The following CHST12 variants were observed in gnomAD, a reference collection of about 807,000 sequenced individuals.
The protein encoded by CHST12 is carbohydrate (chondroitin 4) sulfotransferase 12.
CHST12 carries 23 observed loss-of-function variants against 27.9 expected under a neutral mutation model. That is an observed-to-expected ratio of 0.82 (90% confidence interval 0.59 to 1.17). The LOEUF (loss-of-function observed/expected upper bound fraction) is 1.17. CHST12 is among the 50% of genes most tolerant of loss of function. The pLI is 0.00. For missense variants in CHST12, 682 were observed against 603.0 expected, an observed-to-expected ratio of 1.13 and a Z score of -1.37; for synonymous variants, 322 against 273.0, an observed-to-expected ratio of 1.18 and a Z score of -1.77.
intron 1 of CHST12, among the ~76,000 whole-genome samples, chr7:2,428,529 A>G (rs1782193765): frequency 6.6e-6 from 1 of 152,184 alleles, no homozygotes; most frequent in Admixed American, 6.5e-5. Flanking sequence ...TGGTCCTGCG[A>G]TGCCGCCAAT....
At position 2,403,691 on chromosome 7, in the gene CHST12, C is replaced by G. The variant is rs1022794761; in HGVS notation, c.-78+18C>G. The G allele has an allele frequency of 6.7e-6, 1 of 148,338 alleles. No homozygotes were observed. The highest frequency in any genetic ancestry group is 1.5e-5 in the Non-Finnish European group (1 of 66,680). The allele number at this position is 148,338 out of a possible 1,614,324, so 9.2% of individuals were successfully genotyped here. A position where few individuals can be genotyped will look rare whatever the true frequency, so the allele number is the denominator to read the frequency against. Reference sequence around the variant, plus strand: ...GTCGCGAGGTGAGGGGCGCGGCGGGCGGCGGGCTCGGGGCGCGGTCTCCCT... The same window carrying G: ...GTCGCGAGGTGAGGGGCGCGGCGGGGGGCGGGCTCGGGGCGCGGTCTCCCT... On this transcript the variant is annotated intron_variant, in intron 1 of 1. Coordinates refer to ENST00000618655, the MANE Select transcript of CHST12 (RefSeq NM_018641.5).
At chr7:2,425,531 C>T (rs1423636729) in intron 1 of CHST12, among the ~76,000 whole-genome samples, 3 of 152,186 alleles carry the variant, frequency 2.0e-5, no homozygotes, top group Non-Finnish European at 4.4e-5. Context: ...TCTGGGGATC[C>T]ATGCCCTGTG....
At chr7:2,414,444 C>T (rs771441226) in intron 1 of CHST12, among the ~76,000 whole-genome samples, 4 of 151,876 alleles carry the variant, frequency 2.6e-5, no homozygotes, top group East Asian at 1.9e-4. Context: ...CCCCCATGCC[C>T]GGCTAATTTT....
chr7:2,437,134 T>TTAACCA lies in CHST12; in HGVS notation c.*3254_*3259dup, dbSNP rs1782492615. On this transcript the variant is annotated 3_prime_UTR_variant, in exon 2 of 2. Transcript: ENST00000618655. ...AATTGGCATCGTACAACTGGAAAAT[T>TTAACCA]TAACCATAAACTTAAAACTCTTTTA... 2.0e-5 allele frequency: 3 copies of TTAACCA among 152,376 alleles called. No homozygotes were observed. In the South Asian group the frequency reaches 6.2e-4, roughly 32 times the overall value. 9.4% of individuals were successfully genotyped at this position (152,376 alleles called of 1,614,324 possible).
At chr7:2,418,899 C>T (rs773158422) in intron 1 of CHST12, among the ~76,000 whole-genome samples, 1 of 152,164 alleles carries the variant, frequency 6.6e-6, no homozygotes, top group South Asian at 2.1e-4. Flanking sequence ...TGGGTTCAAG[C>T]CATTTTCCCA....
intron 1 of CHST12, among the ~76,000 whole-genome samples, chr7:2,415,114 C>T (rs1176042135): frequency 9.2e-5 from 14 of 152,194 alleles, no homozygotes; most frequent in Admixed American, 9.2e-4. Context: ...GCCTCAGTCC[C>T]TGCACTTTGG....
At chr7:2,406,564 G>A (rs1383980388) in intron 1 of CHST12, among the ~76,000 whole-genome samples, 3 of 151,940 alleles carry the variant, frequency 2.0e-5, no homozygotes, top group Admixed American at 6.6e-5. Context: ...ACAGGAGGAG[G>A]AAGCGAACAG....
At chr7:2,416,365 A>G (rs926047586) in intron 1 of CHST12, among the ~76,000 whole-genome samples, 2 of 152,164 alleles carry the variant, frequency 1.3e-5, no homozygotes, top group African/African-American at 4.8e-5. Flanking sequence ...AACCTCTTCA[A>G]ACTTCTATTA....
intron 1 of CHST12, among the ~76,000 whole-genome samples, chr7:2,409,640 A>T (rs1781612999): frequency 7.0e-6 from 1 of 142,946 alleles, no homozygotes; most frequent in Admixed American, 7.0e-5. Flanking sequence ...AAAAAAAAAA[A>T]GAATCATGGA....
rs551178227 is a variant in CHST12, at chr7:2,444,703, G to A, written c.*10819G>A. The A allele has an allele frequency of 5.9e-5, 9 of 152,388 alleles. No individual in the cohort carries two copies. Among genetic ancestry groups the A allele is most frequent in the African/African-American group, 2.2e-4 (9 of 41,532 alleles). The allele number at this position is 152,388 out of a possible 1,614,324, so 9.4% of individuals were successfully genotyped here. ...GTTTTTCCGCCCACAGGCACTCAAGGAGGACAGCATTGGGAGATGGCTGGG... is the reference window on the plus strand; with the variant it reads ...GTTTTTCCGCCCACAGGCACTCAAGAAGGACAGCATTGGGAGATGGCTGGG... On this transcript the variant is annotated 3_prime_UTR_variant, in exon 2 of 2. Coordinates refer to ENST00000618655, the MANE Select transcript of CHST12 (RefSeq NM_018641.5).
upstream of CHST12, chr7:2,403,610 T>G (rs981546182): frequency 6.6e-6 from 1 of 150,614 alleles, no homozygotes; most frequent in East Asian, 1.9e-4. Context: ...GGGGGTCCGC[T>G]AGTCGCGGGG....
Position 2,440,614 on chromosome 7 carries a change from G to A in CHST12, c.*6730G>A, listed in dbSNP as rs1782579436. ...AGTGGGCCTGTAGGGCCAGCCCGAG[G>A]TACCCACAGTGGAGGGTCTACAGGC... On this transcript the variant is annotated 3_prime_UTR_variant, in exon 2 of 2. Coordinates refer to ENST00000618655, the MANE Select transcript of CHST12 (RefSeq NM_018641.5). 1 of 152,202 alleles carries A rather than the reference G, an allele frequency of 6.6e-6. No homozygotes were observed. The highest frequency in any genetic ancestry group is 2.4e-5 in the African/African-American group (1 of 41,428). The allele number at this position is 152,202 out of a possible 1,614,324, so 9.4% of individuals were successfully genotyped here. A position where few individuals can be genotyped will look rare whatever the true frequency, so the allele number is the denominator to read the frequency against.
rs1299218783 is a variant in CHST12 at position 2,443,118 on chromosome 7, T to G, written c.*9234T>G. The G allele has an allele frequency of 6.6e-6, 1 of 152,102 alleles. No homozygotes were observed. The highest frequency in any genetic ancestry group is 2.4e-5 in the African/African-American group (1 of 41,394). 9.4% of individuals were successfully genotyped at this position (152,102 alleles called of 1,614,324 possible). A position where few individuals can be genotyped will look rare whatever the true frequency, so the allele number is the denominator to read the frequency against. On this transcript the variant is annotated 3_prime_UTR_variant, in exon 2 of 2. Transcript: ENST00000618655. The stretch of plus-strand genomic sequence containing the variant: ...TTTGTTTATTTGTTTATTTATTATT[T>G]TTTGAGGTGGAGTCTTGCTGTCACC...
chr7:2,447,277 T>A lies in CHST12; in HGVS notation c.*13393T>A, dbSNP rs555723221. The stretch of plus-strand genomic sequence containing the variant: ...CCCACCATCCCGGCCACTGGCTTCC[T>A]CCAAAGCCTCCTCCTCTTACATCAG... On this transcript the variant is annotated 3_prime_UTR_variant, in exon 2 of 2. Transcript: ENST00000618655. The A allele has an allele frequency of 6.6e-6, 1 of 152,426 alleles. No individual in the cohort carries two copies. Among genetic ancestry groups the A allele is most frequent in the South Asian group, 2.1e-4 (1 of 4,826 alleles). 9.4% of individuals were successfully genotyped at this position (152,426 alleles called of 1,614,324 possible). A position where few individuals can be genotyped will look rare whatever the true frequency, so the allele number is the denominator to read the frequency against.
intron 1 of CHST12, among the ~76,000 whole-genome samples, chr7:2,409,326 T>C (rs1463805897): frequency 6.6e-6 from 1 of 152,132 alleles, no homozygotes; most frequent in East Asian, 1.9e-4. Context: ...AAAAGAATTA[T>C]GGAGCGGGTA....
Position 2,432,753 on chromosome 7 carries a change from G to A in CHST12, c.114G>A (p.Thr38=), listed in dbSNP as rs1356377394. ...SAGAAHFYLH[T]SFSRPHTGPP... ...GCGCCGCGCACTTCTACTTGCACAC[G>A]TCCTTCTCTAGGCCGCACACGGGGC... Residue 38 remains threonine, a synonymous_variant, in exon 2 of 2, where the codon ACG becomes ACA. Coordinates refer to ENST00000618655, the MANE Select transcript of CHST12 (RefSeq NM_018641.5). 6.2e-6 allele frequency: 10 copies of A among 1,613,860 alleles called. No individual in the cohort carries two copies. Among genetic ancestry groups the A allele is most frequent in the South Asian group, 2.2e-5 (2 of 91,074 alleles).
chr7:2,409,656 G>A (rs886119977), intron 1 of CHST12, among the ~76,000 whole-genome samples: 1 of 151,886 alleles, frequency 6.6e-6, no homozygotes, highest in Non-Finnish European at 1.5e-5. Context: ...ATGGAGAAGG[G>A]CGGAGGTGAG....
In CHST12 at chr7:2,432,910, C is replaced by A. The variant is rs773306630; in HGVS notation, c.271C>A (p.Pro91Thr). ...SDLPRKETEQ[P>T]PAPGSMEESV... is the part of the protein sequence containing the mutation. ...CCTTCCCAGAAAGGAGACGGAGCAGCCGCCTGCGCCGGGGAGCATGGAGGA... is the reference window on the plus strand; with the variant it reads ...CCTTCCCAGAAAGGAGACGGAGCAGACGCCTGCGCCGGGGAGCATGGAGGA... Residue 91 changes from proline to threonine, a missense_variant, in exon 2 of 2, where the codon CCG (proline) becomes ACG (threonine). By Grantham distance (38) the Pro-to-Thr change is conservative (BLOSUM62 -1). Transcript: ENST00000618655. 3.1e-6 allele frequency: 5 copies of A among 1,613,026 alleles called. No homozygotes were observed. The African/African-American group carries it at 6.7e-5, about 22-fold the overall frequency.
intron 1 of CHST12, among the ~76,000 whole-genome samples, chr7:2,419,571 G>A (rs934317885): frequency 6.6e-6 from 1 of 152,000 alleles, no homozygotes; most frequent in Non-Finnish European, 1.5e-5. Flanking sequence ...GCCAGGCATG[G>A]TGGTGGGAGC....
Sources: allele counts gnomAD v4.1 joint callset (sites outside exome capture counted in the v4.1 genomes callset), GRCh38; gene constraint gnomAD v4.1.1; transcripts MANE v1.5; gene names NCBI Gene and HGNC (gene_info 2026-07-23, HGNC 2026-07-21).